GALNT12: variants seen among roughly 807,000 people sequenced by gnomAD.
GALNT12 encodes the protein polypeptide N-acetylgalactosaminyltransferase 12, also known as UDP-GalNAc:polypeptide N-acetylgalactosaminyltransferase 12.
A neutral mutation model predicts 55.5 loss-of-function variants in GALNT12; 45 were observed. That is an observed-to-expected ratio of 0.81 (90% CI 0.64 to 1.04). GALNT12 has a LOEUF of 1.04. GALNT12 is among the 50% of genes least tolerant of loss of function. The pLI, the probability that GALNT12 is intolerant of heterozygous loss-of-function variation, is 0.00. For synonymous variants in GALNT12, 304 were observed against 312.2 expected (o/e 0.97, Z 0.28); for missense variants, 709 against 754.8 (o/e 0.94, Z 0.71).
intron 1 of GALNT12, among the ~76,000 whole-genome samples, chr9:98,810,977 C>CT (rs1178434725): frequency 1.3e-5 from 2 of 152,114 alleles, no homozygotes; most frequent in African/African-American, 4.8e-5. Context: ...AATTTTTACT[C>CT]TGAGATGATA....
intron 1 of GALNT12, among the ~76,000 whole-genome samples, chr9:98,812,244 A>T (rs933658494): frequency 6.6e-6 from 1 of 151,692 alleles, no homozygotes; most frequent in African/African-American, 2.4e-5. Context: ...CTGTGTCCAT[A>T]TGTTTTTGGT....
chr9:98,808,007 T>A lies in GALNT12; in HGVS notation c.309T>A (p.Ile103=). The change falls in exon 1 of 10, where the codon ATT becomes ATA. Residue 103 remains isoleucine (I), a synonymous_variant. Coordinates refer to ENST00000375011, the MANE Select transcript of GALNT12 (RefSeq NM_024642.5). ...AGGAGAGCGTGCGGCTGCACCAGATTAACATCTACCTCAGCGACCGCATCT... is the reference window on the plus strand; with the variant it reads ...AGGAGAGCGTGCGGCTGCACCAGATAAACATCTACCTCAGCGACCGCATCT... ...LQEESVRLHQ[I]NIYLSDRISL... is the part of the protein sequence containing the mutation. 1 of 1,558,502 alleles carries A rather than the reference T, an allele frequency of 6.4e-7. No individual in the cohort carries two copies.
rs752104405 is a variant in GALNT12, at chr9:98,826,828, G to A, written c.618G>A (p.Glu206=). The change falls in exon 3 of 10, where the codon GAG becomes GAA. Residue 206 remains glutamate, a synonymous_variant. Transcript: ENST00000375011. The part of the protein sequence containing the change: ...KVRLIRANKR[E]GLVRARLLGA... ...GCCTGATCCGCGCCAACAAGAGAGA[G>A]GGCCTGGTGCGAGCCCGGCTGCTGG... 1 of 1,611,922 alleles carries A rather than the reference G, an allele frequency of 6.2e-7. No homozygotes were observed. Among genetic ancestry groups the A allele is most frequent in the South Asian group, 1.1e-5 (1 of 90,546 alleles).
chr9:98,813,792 G>T (rs1173013362), intron 1 of GALNT12, among the ~76,000 whole-genome samples: 1 of 142,544 alleles, frequency 7.0e-6, no homozygotes, highest in Non-Finnish European at 1.5e-5. Context: ...GAGCCACAGC[G>T]CCCAGCCAAG....
At chr9:98,834,661 G>A (rs1836089802) in intron 4 of GALNT12, among the ~76,000 whole-genome samples, 1 of 152,212 alleles carries the variant, frequency 6.6e-6, no homozygotes, top group Non-Finnish European at 1.5e-5. Flanking sequence ...ACTTTCAGAT[G>A]CCAGAGTTGC....
intron 4 of GALNT12, among the ~76,000 whole-genome samples, chr9:98,832,192 T>A (rs1450585860): frequency 6.6e-6 from 1 of 152,200 alleles, no homozygotes; most frequent in African/African-American, 2.4e-5. Flanking sequence ...AAAATATACA[T>A]CATAGAGAAT....
chr9:98,810,569 C>A (rs1480245263), intron 1 of GALNT12, among the ~76,000 whole-genome samples: 3 of 152,140 alleles, frequency 2.0e-5, no homozygotes, highest in Non-Finnish European at 4.4e-5. Flanking sequence ...TAATGAAAGT[C>A]TTTACTCTGC....
intron 7 of GALNT12, among the ~76,000 whole-genome samples, chr9:98,841,042 T>A (rs1257763027): frequency 6.6e-6 from 1 of 152,272 alleles, no homozygotes; most frequent in Non-Finnish European, 1.5e-5. Context: ...TTTGAGTGGC[T>A]GGCTAATTCG....
intron 6 of GALNT12, among the ~76,000 whole-genome samples, chr9:98,838,300 A>G (rs1180238033): frequency 6.6e-6 from 1 of 151,842 alleles, no homozygotes; most frequent in Non-Finnish European, 1.5e-5. Context: ...AAACCCCCCC[A>G]CCGCCAGCCT....
In GALNT12 at chr9:98,808,045, G is replaced by T. The variant is rs1421429267; in HGVS notation, c.347G>T (p.Arg116Leu). 6.3e-7 allele frequency: 1 copy of T among 1,580,562 alleles called. No individual in the cohort carries two copies. Among genetic ancestry groups the T allele is most frequent in the Admixed American group, 1.8e-5 (1 of 56,038 alleles). ...AGCGACCGCATCTCACTGCACCGCCGCCTGCCCGAGCGCTGGAACCCGCTG... is the reference window on the plus strand; with the variant it reads ...AGCGACCGCATCTCACTGCACCGCCTCCTGCCCGAGCGCTGGAACCCGCTG... The part of the protein sequence containing the change: ...YLSDRISLHR[R>L]LPERWNPLCK... The change falls in exon 1 of 10, where the codon CGC becomes CTC. Residue 116 changes from arginine to leucine, a missense_variant. Physicochemically the swap from Arg to Leu is moderately radical, Grantham distance 102. Around this residue, in one of 5 missense-constraint regions of GALNT12, gnomAD observed 315 missense variants for 288.6 expected, o/e 1.09. Coordinates refer to ENST00000375011, the MANE Select transcript of GALNT12 (RefSeq NM_024642.5).
rs116238334 is a variant in GALNT12 at position 98,836,913 on chromosome 9, T to C, written c.1036-59T>C. ...TGCCTGGCCTCTTTGCTGCAGATAC[T>C]ATGGACCCGCAGCTCATCCCCTGCT... is the stretch of plus-strand genomic sequence containing the variant. On this transcript the variant is annotated intron_variant, in intron 5 of 9. Transcript: ENST00000375011. 3,943 of 1,566,462 alleles carry C rather than the reference T, an allele frequency of 2.5e-3. 82 individuals carry two copies. In the African/African-American group the frequency reaches 0.047, roughly 19 times the overall value.
intron 9 of GALNT12, among the ~76,000 whole-genome samples, chr9:98,847,903 C>G (rs937994378): frequency 5.3e-5 from 8 of 150,558 alleles, no homozygotes; most frequent in African/African-American, 2.0e-4. Context: ...ACCTCTGCCT[C>G]CTGGGTTCAA....
At chr9:98,832,202 T>C (rs1836015800) in intron 4 of GALNT12, among the ~76,000 whole-genome samples, 1 of 152,210 alleles carries the variant, frequency 6.6e-6, no homozygotes, top group Non-Finnish European at 1.5e-5. Flanking sequence ...TCATAGAGAA[T>C]TTACCATTTT....
chr9:98,819,630 A>G (rs1356158633), intron 1 of GALNT12, among the ~76,000 whole-genome samples: 4 of 152,200 alleles, frequency 2.6e-5, no homozygotes, highest in Non-Finnish European at 5.9e-5. Context: ...CTTGCTGTAG[A>G]GGCTGTCCTG....
intron 1 of GALNT12, among the ~76,000 whole-genome samples, chr9:98,814,275 C>T (rs953485948): frequency 1.1e-4 from 16 of 152,068 alleles, no homozygotes; most frequent in Non-Finnish European, 2.1e-4. Context: ...ATGCAGTGTA[C>T]AGTGAAGAAA....
chr9:98,847,766 A>G (rs1836452558), intron 9 of GALNT12, among the ~76,000 whole-genome samples: 1 of 149,836 alleles, frequency 6.7e-6, no homozygotes, highest in South Asian at 2.1e-4. Context: ...GTCCCCACTT[A>G]TATTCACTAG....
intron 3 of GALNT12, among the ~76,000 whole-genome samples, chr9:98,830,132 C>T (rs958342862): frequency 1.3e-5 from 2 of 152,194 alleles, no homozygotes; most frequent in African/African-American, 2.4e-5. Context: ...TTTAAACACA[C>T]CAATGCCTGG....
chr9:98,832,369 A>G (rs1332096736), intron 4 of GALNT12, among the ~76,000 whole-genome samples: 1 of 152,042 alleles, frequency 6.6e-6, no homozygotes, highest in Non-Finnish European at 1.5e-5. Context: ...AAAAATAAAA[A>G]TTAGCTGAGC....
chr9:98,814,269 A>G (rs973867973), intron 1 of GALNT12, among the ~76,000 whole-genome samples: 1 of 152,230 alleles, frequency 6.6e-6, no homozygotes, highest in Non-Finnish European at 1.5e-5. Flanking sequence ...ATCAAGATGC[A>G]GTGTACAGTG....
Sources: gnomAD v4.1 joint callset for allele counts (sites outside exome capture counted in the v4.1 genomes callset) on GRCh38, gnomAD v4.1.1 for gene constraint, gnomAD v4.1.1 regional missense constraint, MANE v1.5 for transcripts, NCBI Gene and HGNC (gene_info 2026-07-23, HGNC 2026-07-21) for gene names.